COBLL1: variants seen among roughly 807,000 people sequenced by gnomAD.
COBLL1 encodes the protein cordon-bleu protein-like 1.
A neutral mutation model predicts 94.8 loss-of-function variants in COBLL1; 50 were observed. That is an observed-to-expected ratio of 0.53 (90% CI 0.42 to 0.67). COBLL1 has a LOEUF of 0.67. Ranked by LOEUF, COBLL1 falls within the 30% of genes least tolerant of loss-of-function variation. The probability of loss-of-function intolerance (pLI) is 0.00; values close to 1 mark genes in which losing one functional copy is unlikely to be tolerated. For synonymous variants in COBLL1, 448 were observed against 473.8 expected (o/e 0.95, Z 0.71); for missense variants, 1,362 against 1,348.7 (o/e 1.01, Z -0.15).
In COBLL1 at chr2:164,709,203, CAT is replaced by C. The variant is rs1301632028; in HGVS notation, c.997-4100_997-4099del. Among the ~76,000 whole-genome samples, 5 of 152,200 alleles carry C rather than the reference CAT, an allele frequency of 3.3e-5. No homozygotes were observed. In the East Asian group the frequency reaches 9.6e-4, roughly 29 times the overall value. Reference sequence around the variant, plus strand: ...AGAATTTAAAATTTGTCAAAACAGACATATTTCAGTTTTATAAATGCTAAATT... The same window carrying C: ...AGAATTTAAAATTTGTCAAAACAGACATTTCAGTTTTATAAATGCTAAATT... On this transcript the variant is annotated intron_variant, in intron 7 of 13. Coordinates refer to ENST00000652658, the MANE Select transcript of COBLL1 (RefSeq NM_001365672.2).
intron 2 of COBLL1, among the ~76,000 whole-genome samples, chr2:164,765,436 G>A (rs1449910636): frequency 6.6e-6 from 1 of 152,070 alleles, no homozygotes; most frequent in South Asian, 2.1e-4. Context: ...TAGAATGAGA[G>A]ACTTAAGTGA....
intron 2 of COBLL1, among the ~76,000 whole-genome samples, chr2:164,808,215 G>A (rs967882935): frequency 2.6e-5 from 4 of 152,150 alleles, no homozygotes; most frequent in African/African-American, 7.2e-5. Context: ...GACCCAATCT[G>A]TAATTAGTTT....
chr2:164,826,977 G>C (rs958229014), intron 2 of COBLL1, among the ~76,000 whole-genome samples: 1 of 151,544 alleles, frequency 6.6e-6, no homozygotes, highest in African/African-American at 2.4e-5. Context: ...TTGAGACAGG[G>C]TCTCGCTCTA....
At chr2:164,702,207 A>T (rs1684318087) in intron 9 of COBLL1, among the ~76,000 whole-genome samples, 1 of 152,124 alleles carries the variant, frequency 6.6e-6, no homozygotes, top group Non-Finnish European at 1.5e-5. Flanking sequence ...TATGATGTGA[A>T]ATAGAAATAA....
intron 2 of COBLL1, among the ~76,000 whole-genome samples, chr2:164,820,301 C>T (rs1031237362): frequency 7.2e-5 from 11 of 152,152 alleles, no homozygotes; most frequent in African/African-American, 2.7e-4. Flanking sequence ...CTCACTTCAG[C>T]CTCTACCTCT....
At chr2:164,815,672 G>A (rs1306009983) in intron 2 of COBLL1, among the ~76,000 whole-genome samples, 1 of 152,074 alleles carries the variant, frequency 6.6e-6, no homozygotes, top group Non-Finnish European at 1.5e-5. Context: ...AAATCATTAG[G>A]ACTATGATCT....
At chr2:164,780,717 CTTAT>C (rs1262996637) in intron 2 of COBLL1, among the ~76,000 whole-genome samples, 1 of 152,106 alleles carries the variant, frequency 6.6e-6, no homozygotes, top group Non-Finnish European at 1.5e-5. Context: ...AGCTTTATGC[CTTAT>C]TTAGAAACCA....
In COBLL1 at chr2:164,841,108, C is replaced by T. The variant is rs1183631979; in HGVS notation, c.41+48G>A. The stretch of plus-strand genomic sequence containing the variant: ...AACGGCCGAGGCCTCGCTGTCCTCG[C>T]CGGCCTCGCCCTCCCCGGTGAGAGG... On this transcript the variant is annotated intron_variant, in intron 2 of 13. Coordinates refer to ENST00000652658, the MANE Select transcript of COBLL1 (RefSeq NM_001365672.2). This position sits in a 1 kb window ranked among gnomAD's most constrained non-coding sequence, Gnocchi z 5.5. 8.1e-7 allele frequency: 1 copy of T among 1,228,672 alleles called. No homozygotes were observed. The highest frequency in any genetic ancestry group is 1.0e-6 in the Non-Finnish European group (1 of 985,812). 76.1% of individuals were successfully genotyped at this position (1,228,672 alleles called of 1,614,324 possible). A position where few individuals can be genotyped will look rare whatever the true frequency, so the allele number is the denominator to read the frequency against.
chr2:164,672,693 G>A (rs1423767479), intron 1 of COBLL1, among the ~76,000 whole-genome samples: 5 of 117,322 alleles, frequency 4.3e-5, no homozygotes, highest in Admixed American at 1.0e-4. Context: ...GCGACAGAGC[G>A]AGACTCCGTC....
chr2:164,727,455 T>C (rs1685771387), intron 5 of COBLL1, among the ~76,000 whole-genome samples: 2 of 152,052 alleles, frequency 1.3e-5, no homozygotes, highest in African/African-American at 4.8e-5. Context: ...CTGGGAGCTA[T>C]TTCAAAAATT....
At chr2:164,669,830 T>C (rs1381944938) in intron 1 of COBLL1, among the ~76,000 whole-genome samples, 2 of 152,236 alleles carry the variant, frequency 1.3e-5, no homozygotes, top group African/African-American at 2.4e-5. Context: ...TTCTTATATG[T>C]CTGTTGTAAG....
chr2:164,839,191 T>C (rs560218463), intron 2 of COBLL1, among the ~76,000 whole-genome samples: 1 of 152,338 alleles, frequency 6.6e-6, no homozygotes, highest in African/African-American at 2.4e-5. Context: ...TTTCCCTACT[T>C]AAATTTGAAA....
At chr2:164,687,227 T>G (rs75670518) in intron 13 of COBLL1, 1 of 390,930 alleles carries the variant, frequency 2.6e-6, no homozygotes, top group Non-Finnish European at 4.6e-6. Context: ...TTTTTTTTTT[T>G]GGAGAGGAAG....
chr2:164,701,092 T>C (rs1684230832), intron 9 of COBLL1, among the ~76,000 whole-genome samples: 1 of 152,168 alleles, frequency 6.6e-6, no homozygotes, highest in African/African-American at 2.4e-5. Flanking sequence ...AGCAACTCAA[T>C]AGTGCAAATT....
chr2:164,811,938 T>C (rs545245168), intron 2 of COBLL1, among the ~76,000 whole-genome samples: 1 of 152,168 alleles, frequency 6.6e-6, no homozygotes, highest in Admixed American at 6.5e-5. Context: ...TAGATTGAGA[T>C]GTCAAGACCT....
rs73968252 is a variant in COBLL1, at chr2:164,770,992, G to T, written c.42-27117C>A. ...AAGATATTTTTATTGTACTGATCTCGCATAAAGATCATTATGTTCTATATA... is the reference window on the plus strand; with the variant it reads ...AAGATATTTTTATTGTACTGATCTCTCATAAAGATCATTATGTTCTATATA... On this transcript the variant is annotated intron_variant, in intron 2 of 13. Coordinates refer to ENST00000652658, the MANE Select transcript of COBLL1 (RefSeq NM_001365672.2). Among the ~76,000 whole-genome samples the T allele has an allele frequency of 2.4e-3, 361 of 151,944 alleles. 2 individuals are homozygous for T. Among genetic ancestry groups the T allele is most frequent in the African/African-American group, 8.2e-3 (341 of 41,458 alleles).
intron 11 of COBLL1, chr2:164,698,301 T>G (rs912797609): frequency 3.3e-5 from 5 of 151,642 alleles, no homozygotes; most frequent in African/African-American, 1.2e-4. Context: ...CTCAGTATGA[T>G]ATCTCACAAT....
At chr2:164,836,702 A>G (rs757425416) in intron 2 of COBLL1, among the ~76,000 whole-genome samples, 27 of 152,352 alleles carry the variant, frequency 1.8e-4, no homozygotes, top group Non-Finnish European at 3.8e-4. Context: ...AAATAATGCT[A>G]AAGTTACAAT....
At chr2:164,709,790 C>T (rs185389460) in intron 7 of COBLL1, among the ~76,000 whole-genome samples, 27 of 152,162 alleles carry the variant, frequency 1.8e-4, no homozygotes, top group Middle Eastern at 6.8e-3. Context: ...CTAATTGATA[C>T]GACGTACAAT....
Sources: allele counts gnomAD v4.1 joint callset (sites outside exome capture counted in the v4.1 genomes callset), GRCh38; gene constraint gnomAD v4.1.1; non-coding constraint Gnocchi (gnomAD v3.1); transcripts MANE v1.5; gene names NCBI Gene and HGNC (gene_info 2026-07-23, HGNC 2026-07-21).